The following CCDC39 variants were observed in gnomAD, a reference collection of about 807,000 sequenced individuals.
The protein encoded by CCDC39 is coiled-coil domain-containing protein 39.
In CCDC39, 113 loss-of-function variants were observed where a neutral mutation model predicts 121.0. That is an observed-to-expected ratio of 0.93 (90% CI 0.80 to 1.09). CCDC39 has a LOEUF of 1.09. Ranked by LOEUF, CCDC39 falls within the 50% of genes least tolerant of loss-of-function variation. CCDC39 has a pLI of 0.00. For synonymous variants in CCDC39, 349 were observed against 352.2 expected (o/e 0.99, Z 0.10); for missense variants, 1,063 against 1,074.7 (o/e 0.99, Z 0.15).
chr3:180,661,724 T>C (rs958083389), intron 3 of CCDC39, 137 bp downstream of exon 3: 2 of 699,242 alleles, frequency 2.9e-6, no homozygotes, highest in Non-Finnish European at 4.7e-6. Context: ...TGCCTTTCAC[T>C]GTCCAAAAAA....
chr3:180,647,913 G>C (rs1429677727), intron 10 of CCDC39, among the ~76,000 whole-genome samples: 1 of 151,872 alleles, frequency 6.6e-6, no homozygotes, highest in Non-Finnish European at 1.5e-5. Flanking sequence ...AATGTCTCAG[G>C]TTCCTTTAAA....
At chr3:180,619,668 G>T (rs1161346653) in intron 15 of CCDC39, 143 bp downstream of exon 15, 6 of 579,240 alleles carry the variant, frequency 1.0e-5, no homozygotes, top group South Asian at 8.2e-5. Context: ...AAAATGTCGT[G>T]GGGGGAGGAA....
intron 1 of CCDC39, among the ~76,000 whole-genome samples, chr3:180,675,355 T>C (rs574212925): frequency 2.6e-5 from 4 of 152,192 alleles, no homozygotes; most frequent in African/African-American, 9.7e-5. Flanking sequence ...ATTACATCTA[T>C]TTGATTGTTC....
At chr3:180,642,962 A>AT (rs111261462) in intron 12 of CCDC39, among the ~76,000 whole-genome samples, 19,872 of 145,328 alleles carry the variant, frequency 0.14, 1,541 homozygotes, top group Admixed American at 0.17. Flanking sequence ...GACAGAGATA[A>AT]TTTTTTTTTT....
chr3:180,658,591 C>T (rs980729244), intron 6 of CCDC39, among the ~76,000 whole-genome samples: 11 of 149,028 alleles, frequency 7.4e-5, no homozygotes, highest in African/African-American at 2.3e-4. Context: ...AGCAAGACTC[C>T]GTCTCAAAAA....
chr3:180,633,244 C>T (rs749528948), intron 13 of CCDC39, among the ~76,000 whole-genome samples: 1 of 152,092 alleles, frequency 6.6e-6, no homozygotes, highest in Non-Finnish European at 1.5e-5. Context: ...CAATATCCAC[C>T]GATTAATAAG....
intron 11 of CCDC39, among the ~76,000 whole-genome samples, chr3:180,645,400 C>T (rs1425212838): frequency 6.6e-6 from 1 of 151,986 alleles, no homozygotes; most frequent in Non-Finnish European, 1.5e-5. Context: ...GGTTTGTGCT[C>T]TTATTCCCTT....
intron 13 of CCDC39, among the ~76,000 whole-genome samples, chr3:180,640,229 C>T (rs1269451666): frequency 7.9e-5 from 12 of 151,774 alleles, no homozygotes; most frequent in Non-Finnish European, 1.2e-4. Flanking sequence ...TCAAATATAC[C>T]TCAATAAAGT....
At chr3:180,675,322 T>C (rs1712165067) in intron 1 of CCDC39, among the ~76,000 whole-genome samples, 1 of 152,204 alleles carries the variant, frequency 6.6e-6, no homozygotes, top group African/African-American at 2.4e-5. Context: ...GGATCGGTGG[T>C]GATATCCTCT....
At chr3:180,636,264 T>C (rs1373963679) in intron 13 of CCDC39, among the ~76,000 whole-genome samples, 1 of 152,136 alleles carries the variant, frequency 6.6e-6, no homozygotes, top group Admixed American at 6.5e-5. Context: ...AGTTTCAGGA[T>C]ACAAAATCAA....
rs376975039 is a variant in CCDC39 at position 180,626,343 on chromosome 3, G to GGT, written c.1998+5124_1998+5125dup. Among the ~76,000 whole-genome samples the GGT allele has an allele frequency of 9.1e-4, 139 of 152,238 alleles. 1 individual carries two copies. The highest frequency in any genetic ancestry group is 3.2e-3 in the African/African-American group (131 of 41,542). ...CCAGCAGACTAGTCCCAGGCCCCTT[G>GGT]GTAATACCTTTAAGGAGGTTCTGGC... On this transcript the variant is annotated intron_variant, in intron 14 of 19. Transcript: ENST00000476379.
At position 180,672,204 on chromosome 3, in the gene CCDC39, G is replaced by GA. The variant is rs562313668; in HGVS notation, c.90+7086dup. On this transcript the variant is annotated intron_variant, in intron 1 of 19. Transcript: ENST00000476379. Reference sequence around the variant, plus strand: ...TACTCTGCAAGTGCTCTATAGATAGGAAAAAAAAGCCTGGATGACATGTCT... The same window carrying GA: ...TACTCTGCAAGTGCTCTATAGATAGGAAAAAAAAAGCCTGGATGACATGTCT... Among the ~76,000 whole-genome samples, 466 of 151,646 alleles carry GA rather than the reference G, an allele frequency of 3.1e-3. 2 individuals carry two copies. Among genetic ancestry groups the GA allele is most frequent in the African/African-American group, 9.5e-3 (394 of 41,364 alleles).
intron 2 of CCDC39, 71 bp downstream of exon 2, chr3:180,663,796 G>T: frequency 7.1e-7 from 1 of 1,416,400 alleles, no homozygotes; most frequent in Non-Finnish European, 9.8e-7. Context: ...TGTAAAAATC[G>T]CAGATGTAAA....
intron 4 of CCDC39, among the ~76,000 whole-genome samples, chr3:180,660,154 C>T (rs1234095344): frequency 6.6e-6 from 1 of 151,956 alleles, no homozygotes; most frequent in Non-Finnish European, 1.5e-5. Flanking sequence ...ATTTTTATAA[C>T]ATAATCAATA....
chr3:180,652,431 TCTG>T (rs1350784401), intron 7 of CCDC39, among the ~76,000 whole-genome samples, 165 bp from the exon 8 acceptor site: 1 of 152,186 alleles, frequency 6.6e-6, no homozygotes, highest in African/African-American at 2.4e-5. Context: ...TCCATATTGA[TCTG>T]CTATCAAATT....
chr3:180,660,800 T>C, intron 3 of CCDC39, 72 bp from the exon 4 acceptor site: 1 of 1,339,066 alleles, frequency 7.5e-7, no homozygotes, highest in South Asian at 1.4e-5. Context: ...AAATAAAACA[T>C]ACCTTTATAT....
intron 11 of CCDC39, among the ~76,000 whole-genome samples, chr3:180,645,091 A>G (rs1221654584): frequency 6.6e-6 from 1 of 151,832 alleles, no homozygotes; most frequent in Admixed American, 6.6e-5. Flanking sequence ...AGTATGATGG[A>G]CTCTTCCTCA....
At chr3:180,628,221 T>C (rs1576935700) in intron 14 of CCDC39, among the ~76,000 whole-genome samples, 1 of 151,970 alleles carries the variant, frequency 6.6e-6, no homozygotes, top group African/African-American at 2.4e-5. Context: ...ATATATTTCC[T>C]TTTTTTTGAG....
intron 13 of CCDC39, among the ~76,000 whole-genome samples, chr3:180,640,488 T>C (rs1025150095): frequency 5.3e-5 from 8 of 151,976 alleles, no homozygotes; most frequent in African/African-American, 1.2e-4. Context: ...CAATAGAAGA[T>C]AGCAATAAGA....
Sources: allele counts gnomAD v4.1 joint callset (sites outside exome capture counted in the v4.1 genomes callset), GRCh38; gene constraint gnomAD v4.1.1; transcripts MANE v1.5; gene names NCBI Gene and HGNC (gene_info 2026-07-23, HGNC 2026-07-21).